Variants in GOLM2 observed in about 807,000 individuals in gnomAD.
The protein encoded by GOLM2 is protein GOLM2.
A neutral mutation model predicts 55.9 loss-of-function variants in GOLM2; 26 were observed. The observed-to-expected ratio is 0.47, with a 90% confidence interval of 0.34 to 0.65. The LOEUF is 0.65. GOLM2 is among the 30% of genes least tolerant of loss of function. The pLI is 0.01. For synonymous variants in GOLM2, 165 were observed against 194.6 expected (o/e 0.85, Z 1.27); for missense variants, 486 against 531.8 (o/e 0.91, Z 0.85).
chr15:44,386,211 A>G (rs2079442764), intron 8 of GOLM2, among the ~76,000 whole-genome samples: 1 of 152,172 alleles, frequency 6.6e-6, no homozygotes, highest in Non-Finnish European at 1.5e-5. Flanking sequence ...TAGTTTTTGT[A>G]TATGGTTTGA....
intron 6 of GOLM2, among the ~76,000 whole-genome samples, chr15:44,362,652 A>G (rs1300958360): frequency 6.6e-6 from 1 of 152,218 alleles, no homozygotes; most frequent in African/African-American, 2.4e-5. Context: ...CATCCCCATC[A>G]AACTACCAAT....
At chr15:44,347,202 T>C (rs2079131396) in intron 6 of GOLM2, among the ~76,000 whole-genome samples, 1 of 152,214 alleles carries the variant, frequency 6.6e-6, no homozygotes, top group African/African-American at 2.4e-5. Flanking sequence ...TTGTCCTCCC[T>C]GCAGTAGCAC....
At chr15:44,351,502 G>A (rs776738748) in intron 6 of GOLM2, among the ~76,000 whole-genome samples, 12 of 149,444 alleles carry the variant, frequency 8.0e-5, no homozygotes, top group East Asian at 1.9e-4. Flanking sequence ...GCGTGAACCC[G>A]GGAGGCACAG....
intron 4 of GOLM2, among the ~76,000 whole-genome samples, chr15:44,335,884 G>T (rs1414566903): frequency 6.8e-6 from 1 of 147,270 alleles, no homozygotes; most frequent in Non-Finnish European, 1.5e-5. Context: ...GCCCGATCTC[G>T]GCTCACTGCA....
chr15:44,317,840 A>G (rs1175827088), intron 1 of GOLM2, among the ~76,000 whole-genome samples: 1 of 152,100 alleles, frequency 6.6e-6, no homozygotes, highest in Non-Finnish European at 1.5e-5. Context: ...AGAAAATTAT[A>G]TTCTTACTCA....
chr15:44,335,836 A>C (rs2079052480), intron 4 of GOLM2, among the ~76,000 whole-genome samples: 1 of 138,512 alleles, frequency 7.2e-6, no homozygotes, highest in African/African-American at 2.7e-5. Context: ...TTTTTCTGAG[A>C]CAGAGTCTTG....
At chr15:44,338,849 T>C (rs1302504931) in intron 6 of GOLM2, among the ~76,000 whole-genome samples, 1 of 152,160 alleles carries the variant, frequency 6.6e-6, no homozygotes, top group Non-Finnish European at 1.5e-5. Flanking sequence ...CTTTCCTCCT[T>C]AATGTGTCTG....
At chr15:44,400,373 C>T (rs943770010) in intron 8 of GOLM2, among the ~76,000 whole-genome samples, 1 of 151,480 alleles carries the variant, frequency 6.6e-6, no homozygotes, top group Non-Finnish European at 1.5e-5. Context: ...GGCTGGAGTG[C>T]AATGGTGCAA....
chr15:44,308,568 A>T (rs1007626852), intron 1 of GOLM2: 1 of 151,814 alleles, frequency 6.6e-6, no homozygotes, highest in African/African-American at 2.4e-5. Flanking sequence ...CACTTCTTTT[A>T]TGTCTAGCAG....
chr15:44,405,263 C>A (rs1269096715), intron 9 of GOLM2: 1 of 152,146 alleles, frequency 6.6e-6, no homozygotes, highest in African/African-American at 2.4e-5. Flanking sequence ...AAGATGATGT[C>A]CTCAGTGAAG....
At chr15:44,384,120 G>T (rs1480980211) in intron 8 of GOLM2, among the ~76,000 whole-genome samples, 2 of 151,918 alleles carry the variant, frequency 1.3e-5, no homozygotes, top group East Asian at 3.8e-4. Context: ...TAAGTTACAC[G>T]TAAAATTCAC....
At chr15:44,340,916 A>G (rs1205634443) in intron 6 of GOLM2, among the ~76,000 whole-genome samples, 1 of 152,190 alleles carries the variant, frequency 6.6e-6, no homozygotes, top group African/African-American at 2.4e-5. Context: ...TGTCAAGGAC[A>G]TACTGCTGGT....
chr15:44,333,090 G>A (rs2079033130), intron 4 of GOLM2, among the ~76,000 whole-genome samples: 2 of 151,970 alleles, frequency 1.3e-5, no homozygotes, highest in South Asian at 2.1e-4. Context: ...CTGCCACCAC[G>A]CCCGGCTAAT....
chr15:44,299,418 G>A (rs916727974), intron 1 of GOLM2, among the ~76,000 whole-genome samples: 2 of 151,514 alleles, frequency 1.3e-5, no homozygotes, highest in Non-Finnish European at 2.9e-5. Context: ...TCTTCCTTCC[G>A]AGTAGCTGGG....
intron 8 of GOLM2, among the ~76,000 whole-genome samples, chr15:44,398,373 A>G (rs2079541157): frequency 6.6e-6 from 1 of 152,170 alleles, no homozygotes; most frequent in Non-Finnish European, 1.5e-5. Flanking sequence ...TGGTATGATC[A>G]TAGCTTACTG....
chr15:44,366,309 A>G (rs1037826027), intron 6 of GOLM2, among the ~76,000 whole-genome samples: 1 of 150,616 alleles, frequency 6.6e-6, no homozygotes, highest in Non-Finnish European at 1.5e-5. Flanking sequence ...AAAAAAAAAA[A>G]AAAAACAAAA....
intron 2 of GOLM2, among the ~76,000 whole-genome samples, chr15:44,327,260 G>A (rs1231399921): frequency 6.7e-6 from 1 of 150,204 alleles, no homozygotes; most frequent in East Asian, 2.1e-4. Context: ...CCCAACATCT[G>A]CTTTTTAAAA....
chr15:44,395,283 C>G (rs1040467006), intron 8 of GOLM2, among the ~76,000 whole-genome samples: 2 of 151,326 alleles, frequency 1.3e-5, no homozygotes, highest in Non-Finnish European at 2.9e-5. Flanking sequence ...GCTGGTATTA[C>G]AAGCGTGAGC....
intron 8 of GOLM2, among the ~76,000 whole-genome samples, chr15:44,384,776 G>A (rs1330915292): frequency 2.6e-5 from 4 of 152,026 alleles, no homozygotes; most frequent in African/African-American, 9.6e-5. Flanking sequence ...GGGCGTGGTG[G>A]CGCATGCCTG....
Sources: gnomAD v4.1 joint callset for allele counts (sites outside exome capture counted in the v4.1 genomes callset) on GRCh38, gnomAD v4.1.1 for gene constraint, MANE v1.5 for transcripts, NCBI Gene and HGNC (gene_info 2026-07-23, HGNC 2026-07-21) for gene names.